Variants in BCAT1 observed in about 807,000 individuals in gnomAD.
The protein encoded by BCAT1 is branched-chain-amino-acid aminotransferase, cytosolic.
A neutral mutation model predicts 52.4 loss-of-function variants in BCAT1; 48 were observed. That is an observed-to-expected ratio of 0.92 (90% CI 0.73 to 1.16). The LOEUF is 1.16. Ranked by LOEUF, BCAT1 falls within the 50% of genes most tolerant of loss-of-function variation. The pLI is 0.00. For synonymous variants in BCAT1, 167 were observed against 161.3 expected (o/e 1.04, Z -0.27); for missense variants, 451 against 457.1 (o/e 0.99, Z 0.12).
At chr12:24,832,891 A>T in intron 8 of BCAT1, 28 bp from the exon 9 acceptor site, 1 of 1,582,690 alleles carries the variant, frequency 6.3e-7, no homozygotes, top group South Asian at 1.2e-5. Flanking sequence ...AATAACAAGT[A>T]TATTTTAAAG....
intron 5 of BCAT1, among the ~76,000 whole-genome samples, chr12:24,855,635 C>T (rs1687352453): frequency 1.3e-5 from 2 of 152,188 alleles, no homozygotes; most frequent in Non-Finnish European, 2.9e-5. Context: ...CCCTCCTCAG[C>T]CTCCCAAAGT....
chr12:24,828,216 CT>C (rs1411890623), intron 10 of BCAT1, among the ~76,000 whole-genome samples: 5 of 152,220 alleles, frequency 3.3e-5, no homozygotes, highest in Admixed American at 2.6e-4. Context: ...CTCAGGCCCT[CT>C]TGGATATTTT....
In BCAT1 at chr12:24,841,911, A is replaced by G. The variant is rs533819463; in HGVS notation, c.817+171T>C. Among the ~76,000 whole-genome samples the G allele has an allele frequency of 4.6e-5, 7 of 152,336 alleles. No individual in the cohort carries two copies. In the South Asian group the frequency reaches 1.5e-3, roughly 32 times the overall value. ...GAGACTCCACCTCTTTAAAAAAGAAAGAAAGAAAAAAAAGAAACTTGTGTC... is the reference window on the plus strand; with the variant it reads ...GAGACTCCACCTCTTTAAAAAAGAAGGAAAGAAAAAAAAGAAACTTGTGTC... On this transcript the variant is annotated intron_variant, in intron 7 of 10. Transcript: ENST00000261192.
At chr12:24,836,482 C>A in intron 8 of BCAT1, 29 bp downstream of exon 8, 2 of 1,569,858 alleles carry the variant, frequency 1.3e-6, no homozygotes, top group Non-Finnish European at 1.7e-6. Context: ...TTCAGGCTTA[C>A]AAAAGTTGTT....
In BCAT1 at chr12:24,837,093, G is replaced by GA. The variant is rs756790592; in HGVS notation, c.818-498dup. Among the ~76,000 whole-genome samples the GA allele has an allele frequency of 1.4e-3, 91 of 62,848 alleles. 1 individual carries two copies. The Middle Eastern group carries it at 0.044, about 31-fold the overall frequency. 41.2% of individuals were successfully genotyped at this position (62,848 alleles called of 152,430 possible). On this transcript the variant is annotated intron_variant, in intron 7 of 10. Coordinates refer to ENST00000261192, the MANE Select transcript of BCAT1 (RefSeq NM_005504.7). ...AGAAAGAGAGAGGGAGGGAGGGAGG[G>GA]AGAAAGGAAGGAAGAAAGAGAAGGA...
intron 5 of BCAT1, among the ~76,000 whole-genome samples, chr12:24,866,101 C>G (rs1213622812): frequency 6.6e-6 from 1 of 152,226 alleles, no homozygotes. Context: ...GGAACCCGGG[C>G]TGCGCATGGT....
In BCAT1 at chr12:24,846,585, G is replaced by C. The variant is rs534438010; in HGVS notation, c.674+3201C>G. ...TTTAACTGATTTCTTCTAAGATAAAGAGAGTCCAGGAAATGAAATGAGAAA... is the reference window on the plus strand; with the variant it reads ...TTTAACTGATTTCTTCTAAGATAAACAGAGTCCAGGAAATGAAATGAGAAA... On this transcript the variant is annotated intron_variant, in intron 6 of 10. Transcript: ENST00000261192. Among the ~76,000 whole-genome samples the C allele has an allele frequency of 5.3e-5, 8 of 152,284 alleles. No individual in the cohort carries two copies. In the South Asian group the frequency reaches 1.7e-3, roughly 32 times the overall value.
chr12:24,918,675 GT>G (rs1221735626), intron 1 of BCAT1, among the ~76,000 whole-genome samples: 1 of 152,082 alleles, frequency 6.6e-6, no homozygotes, highest in Non-Finnish European at 1.5e-5. Context: ...TATATCAAAA[GT>G]TTAAAACCCT....
intron 7 of BCAT1, among the ~76,000 whole-genome samples, chr12:24,837,257 G>T (rs915120658): frequency 2.0e-5 from 3 of 150,454 alleles, no homozygotes; most frequent in Admixed American, 6.6e-5. Context: ...ATTCTGAAGT[G>T]AAAATTTACC....
chr12:24,924,282 C>T lies in BCAT1; in HGVS notation c.7-22397G>A, dbSNP rs147597450. ...CCCTTCTTTACACAAGAATGCTACT[C>T]AATGCCAAGAATGATATAATTAGAT... On this transcript the variant is annotated intron_variant, in intron 1 of 10. Coordinates refer to ENST00000261192, the MANE Select transcript of BCAT1 (RefSeq NM_005504.7). Among the ~76,000 whole-genome samples, 52 of 152,290 alleles carry T rather than the reference C, an allele frequency of 3.4e-4. 2 individuals carry two copies. The East Asian group carries it at 9.6e-3, about 28-fold the overall frequency.
intron 10 of BCAT1, among the ~76,000 whole-genome samples, chr12:24,820,964 T>C (rs1481975503): frequency 6.6e-6 from 1 of 152,142 alleles, no homozygotes; most frequent in East Asian, 1.9e-4. Flanking sequence ...CTCTAAACCC[T>C]ATTGAAAGGC....
chr12:24,934,273 G>A (rs1034636313), intron 1 of BCAT1, among the ~76,000 whole-genome samples: 2 of 152,200 alleles, frequency 1.3e-5, no homozygotes, highest in African/African-American at 4.8e-5. Flanking sequence ...TGTAAGATGT[G>A]CCTTGCTTCC....
At chr12:24,910,975 G>A (rs1252555850) in intron 1 of BCAT1, among the ~76,000 whole-genome samples, 1 of 152,058 alleles carries the variant, frequency 6.6e-6, no homozygotes, top group Non-Finnish European at 1.5e-5. Context: ...ATGGTGGCGA[G>A]TGCCTGTAAA....
At chr12:24,918,240 C>T (rs1943448103) in intron 1 of BCAT1, among the ~76,000 whole-genome samples, 1 of 152,214 alleles carries the variant, frequency 6.6e-6, no homozygotes, top group Non-Finnish European at 1.5e-5. Context: ...ATATATCCAG[C>T]AACTTCAGAC....
intron 1 of BCAT1, among the ~76,000 whole-genome samples, chr12:24,922,273 A>G (rs1382772775): frequency 2.6e-5 from 4 of 152,060 alleles, no homozygotes; most frequent in African/African-American, 9.7e-5. Flanking sequence ...CAAGCGATCC[A>G]CCTGCCTCAG....
At chr12:24,918,600 C>T (rs1337205696) in intron 1 of BCAT1, among the ~76,000 whole-genome samples, 2 of 151,948 alleles carry the variant, frequency 1.3e-5, no homozygotes, top group Non-Finnish European at 2.9e-5. Context: ...GTATTATGTT[C>T]AAGTTAGTTA....
chr12:24,902,447 C>T (rs1943134361), intron 1 of BCAT1: 3 of 1,023,324 alleles, frequency 2.9e-6, no homozygotes, highest in South Asian at 4.1e-5. Context: ...CACAGGGAAG[C>T]GGGACTAATT....
At chr12:24,839,649 A>G (rs976983029) in intron 7 of BCAT1, among the ~76,000 whole-genome samples, 1 of 152,206 alleles carries the variant, frequency 6.6e-6, no homozygotes, top group Non-Finnish European at 1.5e-5. Context: ...TGTGCTTTGA[A>G]CACACACTAT....
chr12:24,870,582 G>GT (rs1320491052), intron 5 of BCAT1, among the ~76,000 whole-genome samples: 3 of 152,244 alleles, frequency 2.0e-5, no homozygotes. Flanking sequence ...CAAGAAGATA[G>GT]TTTTTGCTCA....
Sources: allele counts gnomAD v4.1 joint callset (sites outside exome capture counted in the v4.1 genomes callset), GRCh38; gene constraint gnomAD v4.1.1; transcripts MANE v1.5; gene names NCBI Gene and HGNC (gene_info 2026-07-23, HGNC 2026-07-21).